Variants in TNRC6C observed in about 807,000 individuals in gnomAD.
TNRC6C encodes the protein trinucleotide repeat containing adaptor 6C.
TNRC6C carries 20 observed loss-of-function variants against 153.7 expected under a neutral mutation model. The ratio of observed to expected loss-of-function variants is 0.13; its 90% CI spans 0.09 to 0.19. The LOEUF (loss-of-function observed/expected upper bound fraction) is 0.19, where lower values mean the gene tolerates loss of function less well. Among genes scored for constraint, TNRC6C ranks in the 10% least tolerant of loss-of-function variants. The pLI, the probability that TNRC6C is intolerant of heterozygous loss-of-function variation, is 1.00. For missense variants in TNRC6C, 1,987 were observed against 2,172.0 expected, an observed-to-expected ratio of 0.91 and a Z score of 1.69; for synonymous variants, 811 against 841.4, an observed-to-expected ratio of 0.96 and a Z score of 0.63.
In TNRC6C at chr17:78,104,877, C is replaced by A. The variant is rs2073664430; in HGVS notation, c.*32C>A. ...CCATCATCAGCACCAGGAGAGCCGA[C>A]CCCTCCCGGGACCCCTCCCGGCTGG... On this transcript the variant is annotated 3_prime_UTR_variant, in exon 20 of 20. Transcript: ENST00000301624. This position sits in a 1 kb window ranked among gnomAD's most constrained non-coding sequence, Gnocchi z 6.2. The A allele has an allele frequency of 2.2e-6, 3 of 1,389,840 alleles. No homozygotes were observed. Among genetic ancestry groups the A allele is most frequent in the Non-Finnish European group, 1.9e-6 (2 of 1,075,904 alleles). The allele number at this position is 1,389,840 out of a possible 1,614,324, so 86.1% of individuals were successfully genotyped here. A position where few individuals can be genotyped will look rare whatever the true frequency, so the allele number is the denominator to read the frequency against.
intron 1 of TNRC6C, among the ~76,000 whole-genome samples, chr17:77,971,978 T>C (rs2070943492): frequency 6.6e-6 from 1 of 151,530 alleles, no homozygotes; most frequent in Admixed American, 6.6e-5. Context: ...AGGAGAAAGA[T>C]CACAGATCAG....
At chr17:78,081,207 T>A (rs1379597709) in intron 10 of TNRC6C, among the ~76,000 whole-genome samples, 1 of 151,698 alleles carries the variant, frequency 6.6e-6, no homozygotes, top group Non-Finnish European at 1.5e-5. Context: ...GGGCTCCTGA[T>A]CACCTCCCAA....
chr17:78,038,551 C>T lies in TNRC6C; in HGVS notation c.-219+6709C>T, dbSNP rs185941534. Among the ~76,000 whole-genome samples, 304 of 151,410 alleles carry T rather than the reference C, an allele frequency of 2.0e-3. 1 individual carries two copies. The highest frequency in any genetic ancestry group is 4.5e-3 in the Admixed American group (68 of 15,220). On this transcript the variant is annotated intron_variant, in intron 2 of 19. Transcript: ENST00000301624. ...AAAATTAGCCGGGCGTGGTGGCGGG[C>T]GCCTGTAGTCCCAGCTACTCGGGAG...
intron 1 of TNRC6C, chr17:78,008,805 C>G (rs1423966436): frequency 6.6e-6 from 1 of 152,144 alleles, no homozygotes; most frequent in Admixed American, 6.5e-5. Flanking sequence ...AAAGTTCACT[C>G]GAAATTCCTC....
intron 3 of TNRC6C, among the ~76,000 whole-genome samples, chr17:78,057,707 A>C (rs914332607): frequency 1.3e-5 from 2 of 152,226 alleles, no homozygotes; most frequent in African/African-American, 4.8e-5. Flanking sequence ...AGGTTGACCT[A>C]TGCTGAATTT....
chr17:77,972,688 T>C (rs972861348), intron 1 of TNRC6C, among the ~76,000 whole-genome samples: 2 of 152,118 alleles, frequency 1.3e-5, no homozygotes, highest in Non-Finnish European at 2.9e-5. Context: ...TGAATGGACA[T>C]ATAGCAAGAA....
exon 20 of TNRC6C, chr17:78,106,681 T>TA (rs2073703213): frequency 6.6e-6 from 1 of 152,068 alleles, no homozygotes; most frequent in Non-Finnish European, 1.5e-5. Context: ...GTGCTTTATA[T>TA]ATTAAAAATT....
At chr17:78,008,712 T>G (rs1325968636) in intron 1 of TNRC6C, 1 of 152,176 alleles carries the variant, frequency 6.6e-6, no homozygotes, top group Admixed American at 6.5e-5. Context: ...TAGTCAACTT[T>G]TTCTTATTTT....
intron 2 of TNRC6C, among the ~76,000 whole-genome samples, chr17:78,043,197 T>A (rs1051093475): frequency 3.3e-5 from 5 of 152,196 alleles, no homozygotes; most frequent in African/African-American, 1.2e-4. Flanking sequence ...TGTCAGCAGC[T>A]GCAGCCTGAA....
At chr17:78,013,428 G>T (rs1363627098) in intron 1 of TNRC6C, among the ~76,000 whole-genome samples, 1 of 152,230 alleles carries the variant, frequency 6.6e-6, no homozygotes, top group Non-Finnish European at 1.5e-5. Flanking sequence ...GGGTAGTGAT[G>T]ATTGATAGAG....
chr17:78,055,407 G>A (rs2072634265), intron 3 of TNRC6C, among the ~76,000 whole-genome samples: 2 of 152,180 alleles, frequency 1.3e-5, no homozygotes, highest in Admixed American at 1.3e-4. Context: ...ATCATCAGTT[G>A]TGTGTGCTAG....
intron 1 of TNRC6C, among the ~76,000 whole-genome samples, chr17:77,961,933 T>A (rs947961306): frequency 6.6e-6 from 1 of 152,232 alleles, no homozygotes; most frequent in Admixed American, 6.5e-5. Context: ...CTGGCTTACT[T>A]CCAAAACCAA....
intron 3 of TNRC6C, among the ~76,000 whole-genome samples, chr17:78,060,876 A>T (rs1437001458): frequency 6.6e-6 from 1 of 152,198 alleles, no homozygotes; most frequent in Non-Finnish European, 1.5e-5. Flanking sequence ...TGACTTAATT[A>T]TCTGTAGTGC....
At chr17:77,990,521 C>G (rs777785959) in intron 1 of TNRC6C, among the ~76,000 whole-genome samples, 1 of 152,166 alleles carries the variant, frequency 6.6e-6, no homozygotes, top group African/African-American at 2.4e-5. Flanking sequence ...AACTTTCATG[C>G]GTGTTGTCCC....
Position 78,075,722 on chromosome 17 carries a change from A to G in TNRC6C, c.3060+444A>G, listed in dbSNP as rs1345389300. Among the ~76,000 whole-genome samples the G allele has an allele frequency of 6.6e-6, 1 of 152,210 alleles. No individual in the cohort carries two copies. The highest frequency in any genetic ancestry group is 1.5e-5 in the Non-Finnish European group (1 of 68,034). On this transcript the variant is annotated intron_variant, in intron 8 of 19. Coordinates refer to ENST00000301624, the Ensembl canonical transcript of TNRC6C. The surrounding 1 kb of genome is among the most constrained non-coding windows in gnomAD (Gnocchi z 4.2). ...GTCAGTTGGCCACATGAGTGACCAC[A>G]GCTGGCATCTGTGGAAAACGCCCTG...
exon 14 of TNRC6C, chr17:78,091,486 T>C (rs1256100603): frequency 6.2e-7 from 1 of 1,608,584 alleles, no homozygotes; most frequent in African/African-American, 1.3e-5. Flanking sequence ...ACATGACCGG[T>C]GGCTTGTCGG....
exon 20 of TNRC6C, chr17:78,107,215 G>C (rs1224309843): frequency 1.3e-5 from 2 of 152,160 alleles, no homozygotes; most frequent in African/African-American, 2.4e-5. Context: ...TGGAAGTCAA[G>C]AATATGTTTG....
rs137886536 is a variant in TNRC6C, at chr17:78,053,268, C to T, written c.2395+1811C>T. The stretch of plus-strand genomic sequence containing the variant: ...CTAATATATGACTAATATTTCTAGG[C>T]CCTTACATTTTATAAAGTACTTGGG... On this transcript the variant is annotated intron_variant, in intron 3 of 19. Coordinates refer to ENST00000301624, the Ensembl canonical transcript of TNRC6C. Among the ~76,000 whole-genome samples, 417 of 152,162 alleles carry T rather than the reference C, an allele frequency of 2.7e-3. 1 individual carries two copies. Among genetic ancestry groups the T allele is most frequent in the Non-Finnish European group, 4.5e-3 (309 of 68,014 alleles).
rs1193113999 is a variant in TNRC6C at position 78,079,203 on chromosome 17, C to T, written c.3211-192C>T. Among the ~76,000 whole-genome samples, 2 of 151,966 alleles carry T rather than the reference C, an allele frequency of 1.3e-5. No individual in the cohort carries two copies. Among genetic ancestry groups the T allele is most frequent in the Admixed American group, 6.6e-5 (1 of 15,260 alleles). ...GGCAGAGGCTACAGTGAGCCAAGAC[C>T]GCGCTACTGCACTCCAGTCTGGGTG... On this transcript the variant is annotated intron_variant, in intron 9 of 19. Transcript: ENST00000301624. This position sits in a 1 kb window ranked among gnomAD's most constrained non-coding sequence, Gnocchi z 4.3.
Sources: allele counts gnomAD v4.1 joint callset (sites outside exome capture counted in the v4.1 genomes callset), GRCh38; gene constraint gnomAD v4.1.1; non-coding constraint Gnocchi (gnomAD v3.1); transcripts MANE v1.5; gene names NCBI Gene and HGNC (gene_info 2026-07-23, HGNC 2026-07-21).